SIK3: variants seen among roughly 807,000 people sequenced by gnomAD.
SIK3 encodes the protein SIK family kinase 3.
Under a neutral mutation model 144.2 loss-of-function variants are expected in SIK3, and 28 were observed. That is an observed-to-expected ratio of 0.19 (90% CI 0.14 to 0.27). The LOEUF is 0.27. Among genes scored for constraint, SIK3 ranks in the 10% least tolerant of loss-of-function variants. The pLI, the probability that SIK3 is intolerant of heterozygous loss-of-function variation, is 1.00. For missense variants in SIK3, 1,319 were observed against 1,776.0 expected (o/e 0.74, Z 4.62); for synonymous variants, 686 against 676.3 (o/e 1.01, Z -0.22).
chr11:116,991,087 CAG>C (rs953032113), intron 1 of SIK3, among the ~76,000 whole-genome samples: 2 of 152,170 alleles, frequency 1.3e-5, no homozygotes, highest in Non-Finnish European at 2.9e-5. Flanking sequence ...CATCCAAGGT[CAG>C]AGAGAGAGCT....
rs563529085 is a variant in SIK3 at position 116,937,065 on chromosome 11, G to A, written c.455-9685C>T. Among the ~76,000 whole-genome samples, 302 of 152,260 alleles carry A rather than the reference G, an allele frequency of 2.0e-3. 3 individuals carry two copies. The highest frequency in any genetic ancestry group is 6.8e-3 in the African/African-American group (281 of 41,550). On this transcript the variant is annotated intron_variant, in intron 3 of 24. Coordinates refer to ENST00000445177, the MANE Select transcript of SIK3 (RefSeq NM_001366686.3). ...TGACATTTAATCTATCTGCCTCTAT[G>A]ACATCAGCAAACAATTATATTACAG...
At chr11:116,904,649 T>C (rs555936804) in intron 4 of SIK3, 32 of 152,352 alleles carry the variant, frequency 2.1e-4, no homozygotes, top group African/African-American at 6.0e-4. Context: ...ATACGAAATA[T>C]ATTACTTCAT....
intron 1 of SIK3, among the ~76,000 whole-genome samples, chr11:117,011,881 G>A (rs1276066748): frequency 1.3e-5 from 2 of 152,058 alleles, no homozygotes; most frequent in South Asian, 2.1e-4. Context: ...TCCAGCCTAC[G>A]CAATAGAGAG....
At chr11:117,061,772 A>T (rs1447353082) in intron 1 of SIK3, among the ~76,000 whole-genome samples, 1 of 152,218 alleles carries the variant, frequency 6.6e-6, no homozygotes, top group Non-Finnish European at 1.5e-5. Context: ...TATCAATCAT[A>T]AGCTATTCTT....
chr11:117,007,211 C>T (rs1951080740), intron 1 of SIK3, among the ~76,000 whole-genome samples: 2 of 152,162 alleles, frequency 1.3e-5, no homozygotes, highest in African/African-American at 4.8e-5. Context: ...AACCCTGTCT[C>T]TACTAAAAAT....
intron 6 of SIK3, among the ~76,000 whole-genome samples, chr11:116,893,318 A>C (rs1294766577): frequency 6.6e-6 from 1 of 152,086 alleles, no homozygotes; most frequent in Non-Finnish European, 1.5e-5. Flanking sequence ...GACAGCACAG[A>C]GGGTACATGC....
chr11:116,969,973 T>C (rs759306632), intron 1 of SIK3, among the ~76,000 whole-genome samples: 13 of 152,320 alleles, frequency 8.5e-5, no homozygotes, highest in Non-Finnish European at 1.9e-4. Flanking sequence ...ATCTATTACA[T>C]GACTTGAAAG....
intron 1 of SIK3, among the ~76,000 whole-genome samples, chr11:116,973,604 G>C (rs533126480): frequency 6.6e-6 from 1 of 152,146 alleles, no homozygotes; most frequent in African/African-American, 2.4e-5. Flanking sequence ...TTATGAAAGG[G>C]GGGGAAAGAA....
At chr11:116,897,142 T>A in intron 5 of SIK3, 51 bp downstream of exon 5, 2 of 1,573,520 alleles carry the variant, frequency 1.3e-6, no homozygotes, top group Non-Finnish European at 1.7e-6. Context: ...ATAGCTGTCA[T>A]CAACCAAGGG....
chr11:117,027,539 T>A (rs944781579), intron 1 of SIK3, among the ~76,000 whole-genome samples: 2 of 152,150 alleles, frequency 1.3e-5, no homozygotes, highest in East Asian at 3.8e-4. Flanking sequence ...CTCGGCTCAC[T>A]GCCACCTCCA....
chr11:116,931,422 T>C (rs1428207182), intron 3 of SIK3, among the ~76,000 whole-genome samples: 1 of 152,230 alleles, frequency 6.6e-6, no homozygotes, highest in Non-Finnish European at 1.5e-5. Context: ...ACTAATGGGA[T>C]AGTGGTGCGG....
At chr11:116,862,059 CT>C in intron 17 of SIK3, 133 bp from the exon 18 acceptor site, 2 of 1,332,462 alleles carry the variant, frequency 1.5e-6, no homozygotes, top group Non-Finnish European at 2.1e-6. Flanking sequence ...ACCAGAAGGT[CT>C]GATTACCTTT....
rs574603618 is a variant in SIK3 at position 117,058,264 on chromosome 11, G to C, written c.273+39879C>G. On this transcript the variant is annotated intron_variant, in intron 1 of 24. Transcript: ENST00000445177. ...TGGCCAGGTGCAGTGGCTCACACCT[G>C]TAATCCCAGCACTTTGGCAGGCTGA... 2.6e-5 allele frequency among the ~76,000 whole-genome samples: 4 copies of C among 152,260 alleles called. No homozygotes were observed. The South Asian group carries it at 8.3e-4, about 32-fold the overall frequency.
intron 1 of SIK3, among the ~76,000 whole-genome samples, chr11:117,010,400 G>A (rs1400961192): frequency 6.6e-6 from 1 of 152,184 alleles, no homozygotes; most frequent in Non-Finnish European, 1.5e-5. Context: ...CCCATGTGGA[G>A]AGCACCGATA....
At chr11:116,982,282 T>C (rs868557249) in intron 1 of SIK3, among the ~76,000 whole-genome samples, 1 of 149,822 alleles carries the variant, frequency 6.7e-6, no homozygotes, top group East Asian at 1.9e-4. Context: ...CTCTGCCTTA[T>C]GAAATGATGC....
intron 3 of SIK3, among the ~76,000 whole-genome samples, chr11:116,943,491 C>A (rs1257490712): frequency 6.6e-6 from 1 of 152,176 alleles, no homozygotes; most frequent in Non-Finnish European, 1.5e-5. Context: ...GTAACCTCTT[C>A]AAGGTCTCCA....
intron 1 of SIK3, among the ~76,000 whole-genome samples, chr11:117,026,941 A>G (rs574741450): frequency 6.6e-6 from 1 of 152,368 alleles, no homozygotes; most frequent in African/African-American, 2.4e-5. Context: ...AATACAAGTA[A>G]GGGGGTAAAA....
intron 6 of SIK3, among the ~76,000 whole-genome samples, chr11:116,877,279 C>T (rs2134575457): frequency 6.6e-6 from 1 of 152,278 alleles, no homozygotes; most frequent in Admixed American, 6.5e-5. Context: ...TTGCCTTCAC[C>T]AAAAGGCTGA....
At chr11:116,980,558 A>G (rs541939020) in intron 1 of SIK3, among the ~76,000 whole-genome samples, 1 of 152,350 alleles carries the variant, frequency 6.6e-6, no homozygotes, top group South Asian at 2.1e-4. Context: ...GTAAAGTTGA[A>G]AAATCATAAT....
Sources: gnomAD v4.1 joint callset for allele counts (sites outside exome capture counted in the v4.1 genomes callset) on GRCh38, gnomAD v4.1.1 for gene constraint, MANE v1.5 for transcripts, NCBI Gene and HGNC (gene_info 2026-07-23, HGNC 2026-07-21) for gene names.